The following GPC5 variants were observed in gnomAD, a reference collection of about 807,000 sequenced individuals.
GPC5 encodes glypican-5.
A neutral mutation model predicts 53.9 loss-of-function variants in GPC5; 47 were observed. That is an observed-to-expected ratio of 0.87 (90% confidence interval 0.69 to 1.11). GPC5 has a LOEUF of 1.11. Ranked by LOEUF, GPC5 falls within the 50% of genes most tolerant of loss-of-function variation. GPC5 has a pLI of 0.00. For missense variants in GPC5, 748 were observed against 713.1 expected (o/e 1.05, Z -0.56); for synonymous variants, 286 against 263.3 (o/e 1.09, Z -0.84).
At chr13:91,842,063 T>C (rs1007197776) in intron 5 of GPC5, among the ~76,000 whole-genome samples, 2 of 152,162 alleles carry the variant, frequency 1.3e-5, no homozygotes, top group African/African-American at 4.8e-5. Flanking sequence ...TGACACTTTC[T>C]TTGGTTTTTG....
chr13:92,755,631 A>T (rs1237511928), intron 7 of GPC5, among the ~76,000 whole-genome samples: 1 of 144,512 alleles, frequency 6.9e-6, no homozygotes, highest in African/African-American at 2.5e-5. Context: ...GACACAATAA[A>T]AAATGATAAA....
At chr13:92,148,467 C>T (rs981109552) in intron 7 of GPC5, among the ~76,000 whole-genome samples, 1 of 152,022 alleles carries the variant, frequency 6.6e-6, no homozygotes, top group Non-Finnish European at 1.5e-5. Context: ...GTAATCCCAC[C>T]TATACATTAT....
intron 2 of GPC5, among the ~76,000 whole-genome samples, chr13:91,647,657 T>C (rs2034594776): frequency 6.6e-6 from 1 of 152,212 alleles, no homozygotes; most frequent in African/African-American, 2.4e-5. Context: ...CCTTACAGTT[T>C]TGCTGAATCT....
intron 7 of GPC5, among the ~76,000 whole-genome samples, chr13:92,390,012 A>G (rs1283609053): frequency 6.6e-6 from 1 of 152,152 alleles, no homozygotes; most frequent in Non-Finnish European, 1.5e-5. Flanking sequence ...TAGGAACCAA[A>G]TTATAATCTT....
intron 7 of GPC5, among the ~76,000 whole-genome samples, chr13:92,408,631 C>G (rs554027859): frequency 0.041 from 2,538 of 61,206 alleles, 70 homozygotes; most frequent in African/African-American, 0.12. Flanking sequence ...TATATATAGA[C>G]ACACACACAC....
chr13:91,459,308 A>G (rs1486311653), intron 2 of GPC5, among the ~76,000 whole-genome samples: 1 of 152,110 alleles, frequency 6.6e-6, no homozygotes, highest in Non-Finnish European at 1.5e-5. Context: ...AAATAATAAA[A>G]TGAAATAAAA....
chr13:92,144,734 C>T, intron 6 of GPC5, 96 bp from the exon 7 acceptor site: 2 of 1,164,554 alleles, frequency 1.7e-6, no homozygotes, highest in Non-Finnish European at 2.5e-6. Context: ...AAGAGTGGAT[C>T]CACATAACAA....
At chr13:91,802,621 C>A (rs932859285) in intron 5 of GPC5, among the ~76,000 whole-genome samples, 7 of 152,200 alleles carry the variant, frequency 4.6e-5, no homozygotes, top group African/African-American at 9.6e-5. Context: ...ATCTACAAAC[C>A]TTTAGCTAGG....
intron 6 of GPC5, among the ~76,000 whole-genome samples, chr13:91,939,637 T>G (rs889298939): frequency 6.6e-5 from 10 of 152,162 alleles, no homozygotes; most frequent in Admixed American, 2.0e-4. Context: ...ATTTACACCT[T>G]AGGAAACTTG....
intron 7 of GPC5, among the ~76,000 whole-genome samples, chr13:92,586,789 C>G (rs573810722): frequency 3.7e-4 from 56 of 152,194 alleles, no homozygotes; most frequent in Non-Finnish European, 6.8e-4. Flanking sequence ...AGGAGAGAAA[C>G]GGAAATGAAG....
intron 6 of GPC5, among the ~76,000 whole-genome samples, chr13:92,055,636 T>C (rs2041068403): frequency 6.6e-6 from 1 of 152,212 alleles, no homozygotes; most frequent in Non-Finnish European, 1.5e-5. Context: ...TACCAAACAA[T>C]TTTGAGTTGA....
intron 7 of GPC5, among the ~76,000 whole-genome samples, chr13:92,198,674 A>G (rs573771361): frequency 3.3e-5 from 5 of 152,292 alleles, no homozygotes; most frequent in Admixed American, 1.3e-4. Flanking sequence ...AGCCAATGGG[A>G]AGATTACTTA....
chr13:92,786,572 T>C (rs1876240116), intron 7 of GPC5, among the ~76,000 whole-genome samples: 1 of 152,120 alleles, frequency 6.6e-6, no homozygotes, highest in African/African-American at 2.4e-5. Flanking sequence ...CTAGAAAGGA[T>C]GTACTAGAAA....
At chr13:91,970,440 C>A (rs993187357) in intron 6 of GPC5, among the ~76,000 whole-genome samples, 11 of 150,116 alleles carry the variant, frequency 7.3e-5, no homozygotes, top group African/African-American at 2.5e-4. Context: ...GCCCCCCCCT[C>A]ACACATACAC....
At chr13:92,524,347 C>G (rs1881190147) in intron 7 of GPC5, among the ~76,000 whole-genome samples, 1 of 152,014 alleles carries the variant, frequency 6.6e-6, no homozygotes, top group African/African-American at 2.4e-5. Context: ...CACATAATAC[C>G]TAACACAACG....
chr13:91,703,718 T>A (rs2036040170), intron 3 of GPC5, among the ~76,000 whole-genome samples: 2 of 152,178 alleles, frequency 1.3e-5, no homozygotes, highest in African/African-American at 4.8e-5. Flanking sequence ...TTGAGAAGGA[T>A]TGGTGCTAGT....
chr13:92,585,297 C>T (rs750170554), intron 7 of GPC5, among the ~76,000 whole-genome samples: 1 of 152,202 alleles, frequency 6.6e-6, no homozygotes, highest in African/African-American at 2.4e-5. Context: ...TGGGAACCCA[C>T]ATCTTGCATC....
intron 3 of GPC5, among the ~76,000 whole-genome samples, chr13:91,713,902 A>G (rs2036280310): frequency 6.6e-6 from 1 of 152,108 alleles, no homozygotes; most frequent in African/African-American, 2.4e-5. Flanking sequence ...CTTGGAGATG[A>G]TTGCAGGTAG....
chr13:91,945,725 A>G (rs2039968602), intron 6 of GPC5, among the ~76,000 whole-genome samples: 1 of 152,084 alleles, frequency 6.6e-6, no homozygotes, highest in Non-Finnish European at 1.5e-5. Flanking sequence ...TTTGGGGGAC[A>G]TTATGGAGCC....
Sources: allele counts gnomAD v4.1 joint callset (sites outside exome capture counted in the v4.1 genomes callset), GRCh38; gene constraint gnomAD v4.1.1; transcripts MANE v1.5; gene names NCBI Gene and HGNC (gene_info 2026-07-23, HGNC 2026-07-21).